ZDHHC3: variants seen among roughly 807,000 people sequenced by gnomAD.
The protein encoded by ZDHHC3 is palmitoyltransferase ZDHHC3.
Under a neutral mutation model 30.6 loss-of-function variants are expected in ZDHHC3, and 9 were observed. The ratio of observed to expected loss-of-function variants is 0.29; its 90% CI spans 0.18 to 0.51. The LOEUF (loss-of-function observed/expected upper bound fraction) is 0.51. Ranked by LOEUF, ZDHHC3 falls within the 20% of genes least tolerant of loss-of-function variation. The probability of loss-of-function intolerance (pLI) is 0.97; values close to 1 mark genes in which losing one functional copy is unlikely to be tolerated. For synonymous variants in ZDHHC3, 136 were observed against 140.2 expected, an observed-to-expected ratio of 0.97 and a Z score of 0.21; for missense variants, 246 against 384.2, an observed-to-expected ratio of 0.64 and a Z score of 3.01.
intron 6 of ZDHHC3, among the ~76,000 whole-genome samples, chr3:44,927,471 G>A (rs973160391): frequency 6.6e-6 from 1 of 152,224 alleles, no homozygotes; most frequent in Non-Finnish European, 1.5e-5. Flanking sequence ...GAATAGGAGT[G>A]ACAGACCACG....
chr3:44,938,826 C>T (rs1702196857), intron 3 of ZDHHC3, among the ~76,000 whole-genome samples: 1 of 152,314 alleles, frequency 6.6e-6, no homozygotes, highest in South Asian at 2.1e-4. Context: ...TACCCGGAAA[C>T]AGTCCTCCAC....
Position 44,959,104 on chromosome 3 carries a change from G to A in ZDHHC3, c.306+27C>T. Reference sequence around the variant, plus strand: ...GAGCCAGAGGAGGAGAGTGTGGGCTGGTCAAAACAAGCCCAGACATACTCA... The same window carrying A: ...GAGCCAGAGGAGGAGAGTGTGGGCTAGTCAAAACAAGCCCAGACATACTCA... On this transcript the variant is annotated intron_variant, in intron 2 of 6. Coordinates refer to ENST00000424952, the MANE Select transcript of ZDHHC3 (RefSeq NM_001135179.2). The surrounding 1 kb of genome is among the most constrained non-coding windows in gnomAD (Gnocchi z 4.3). 6.2e-7 allele frequency: 1 copy of A among 1,612,004 alleles called. No homozygotes were observed. Among genetic ancestry groups the A allele is most frequent in the South Asian group, 1.1e-5 (1 of 90,806 alleles).
intron 1 of ZDHHC3, among the ~76,000 whole-genome samples, chr3:44,964,347 CA>C (rs536388972): frequency 2.6e-5 from 4 of 152,180 alleles, no homozygotes; most frequent in Admixed American, 2.6e-4. Flanking sequence ...ATACTGCTTA[CA>C]AAAAGGCAAG....
chr3:44,925,532 T>C lies in ZDHHC3; in HGVS notation c.*1157A>G. ...AAGTGCCTCTCAAATGGAAAATCTATTCTGTCCCAGTGCCACAGGCTTAGG... is the reference window on the plus strand; with the variant it reads ...AAGTGCCTCTCAAATGGAAAATCTACTCTGTCCCAGTGCCACAGGCTTAGG... On this transcript the variant is annotated 3_prime_UTR_variant, in exon 7 of 7. Transcript: ENST00000424952. 2.0e-6 allele frequency: 2 copies of C among 985,478 alleles called. No homozygotes were observed. The highest frequency in any genetic ancestry group is 3.5e-5 in the African/African-American group (2 of 57,368). The allele number at this position is 985,478 out of a possible 1,614,324, so 61.0% of individuals were successfully genotyped here. A position where few individuals can be genotyped will look rare whatever the true frequency, so the allele number is the denominator to read the frequency against.
intron 3 of ZDHHC3, among the ~76,000 whole-genome samples, chr3:44,936,726 G>A (rs1451825134): frequency 1.3e-5 from 2 of 152,158 alleles, no homozygotes; most frequent in Non-Finnish European, 2.9e-5. Flanking sequence ...AAGGTGGAGG[G>A]TAGGAGGGAG....
chr3:44,921,656 C>A lies in ZDHHC3; in HGVS notation c.*5033G>T, dbSNP rs796534600. ...AGACGCTATACATTCCTATTCATCA[C>A]CCTCATTTAATCCTTCCATTAACTT... On this transcript the variant is annotated 3_prime_UTR_variant, in exon 7 of 7. Transcript: ENST00000424952. The A allele has an allele frequency of 1.3e-4, 131 of 974,132 alleles. No individual in the cohort carries two copies. In the African/African-American group the frequency reaches 1.4e-3, roughly 11 times the overall value. The allele number at this position is 974,132 out of a possible 1,614,324, so 60.3% of individuals were successfully genotyped here. A position where few individuals can be genotyped will look rare whatever the true frequency, so the allele number is the denominator to read the frequency against.
At chr3:44,940,644 G>A (rs1702362459) in intron 3 of ZDHHC3, among the ~76,000 whole-genome samples, 2 of 152,150 alleles carry the variant, frequency 1.3e-5, no homozygotes, top group African/African-American at 2.4e-5. Context: ...CCCCTTCTAT[G>A]TTTCTTTGTC....
At chr3:44,951,207 T>G (rs1400518321) in intron 2 of ZDHHC3, among the ~76,000 whole-genome samples, 1 of 152,236 alleles carries the variant, frequency 6.6e-6, no homozygotes, top group African/African-American at 2.4e-5. Context: ...AATATACATT[T>G]GGCCCCACAG....
chr3:44,937,894 T>A, intron 3 of ZDHHC3: 1 of 486,494 alleles, frequency 2.1e-6, no homozygotes, highest in Non-Finnish European at 4.1e-6. Flanking sequence ...CAGATTGACA[T>A]GGTACCTTCT....
At chr3:44,972,401 T>C (rs1002581268) in intron 1 of ZDHHC3, among the ~76,000 whole-genome samples, 1 of 152,238 alleles carries the variant, frequency 6.6e-6, no homozygotes, top group African/African-American at 2.4e-5. Flanking sequence ...AGGCGGAGGT[T>C]GCGGTGAGCA....
intron 1 of ZDHHC3, among the ~76,000 whole-genome samples, chr3:44,972,417 T>C (rs1346941083): frequency 6.6e-6 from 1 of 152,200 alleles, no homozygotes; most frequent in Non-Finnish European, 1.5e-5. Context: ...GAGCAGAGAT[T>C]GTGCCACCGC....
In ZDHHC3 at chr3:44,919,939, C is replaced by T; in HGVS notation, c.*6750G>A. The T allele has an allele frequency of 9.6e-7, 1 of 1,036,972 alleles. No individual in the cohort carries two copies. Among genetic ancestry groups the T allele is most frequent in the Non-Finnish European group, 1.2e-6 (1 of 857,644 alleles). 64.2% of individuals were successfully genotyped at this position (1,036,972 alleles called of 1,614,324 possible). ...TGCAAAGCTGGAAATGAGAAATGCC[C>T]AATAATGATGGTTAAGCAAATGATT... On this transcript the variant is annotated 3_prime_UTR_variant, in exon 7 of 7. Transcript: ENST00000424952.
intron 3 of ZDHHC3, among the ~76,000 whole-genome samples, chr3:44,940,339 C>T (rs554216005): frequency 6.6e-6 from 1 of 152,320 alleles, no homozygotes; most frequent in South Asian, 2.1e-4. Flanking sequence ...CTAAGAGCCT[C>T]TTCCACACAC....
At chr3:44,928,305 C>T (rs1301244190) in intron 6 of ZDHHC3, among the ~76,000 whole-genome samples, 1 of 152,202 alleles carries the variant, frequency 6.6e-6, no homozygotes, top group African/African-American at 2.4e-5. Context: ...GTGGGCAGCA[C>T]TGTCCCTTCT....
At chr3:44,927,365 A>G (rs928926702) in intron 6 of ZDHHC3, among the ~76,000 whole-genome samples, 1 of 152,216 alleles carries the variant, frequency 6.6e-6, no homozygotes, top group African/African-American at 2.4e-5. Flanking sequence ...AAAGTAACAA[A>G]TCAAATGACT....
At chr3:44,929,498 C>A in intron 5 of ZDHHC3, 62 bp from the exon 6 acceptor site, 1 of 1,595,634 alleles carries the variant, frequency 6.3e-7, no homozygotes, top group Non-Finnish European at 8.6e-7. Context: ...CCCAGGCTCA[C>A]TGCCCCACTA....
In ZDHHC3 at chr3:44,923,308, C is replaced by A. The variant is rs1442857908; in HGVS notation, c.*3381G>T. The A allele has an allele frequency of 1.0e-6, 1 of 968,382 alleles. No homozygotes were observed. The highest frequency in any genetic ancestry group is 1.8e-5 in the African/African-American group (1 of 56,868). 60.0% of individuals were successfully genotyped at this position (968,382 alleles called of 1,614,324 possible). A position where few individuals can be genotyped will look rare whatever the true frequency, so the allele number is the denominator to read the frequency against. ...AGCCAGGATGATCTCGATCTCTTGA[C>A]CTCGTGATCTGCCCGCCTCGGCCTC... On this transcript the variant is annotated 3_prime_UTR_variant, in exon 7 of 7. Coordinates refer to ENST00000424952, the MANE Select transcript of ZDHHC3 (RefSeq NM_001135179.2).
In ZDHHC3 at chr3:44,924,899, G is replaced by C; in HGVS notation, c.*1790C>G. The C allele has an allele frequency of 1.0e-6, 1 of 985,504 alleles. No homozygotes were observed. Among genetic ancestry groups the C allele is most frequent in the African/African-American group, 1.7e-5 (1 of 57,344 alleles). 61.0% of individuals were successfully genotyped at this position (985,504 alleles called of 1,614,324 possible). On this transcript the variant is annotated 3_prime_UTR_variant, in exon 7 of 7. Coordinates refer to ENST00000424952, the MANE Select transcript of ZDHHC3 (RefSeq NM_001135179.2). The stretch of plus-strand genomic sequence containing the variant: ...CGCATGAATAGCACCGTAGACACGA[G>C]GTAAAGTTAACTGACTCAGGAAAGC...
chr3:44,975,772 T>TCACA lies in ZDHHC3; in HGVS notation c.-25+157_-25+160dup, dbSNP rs1185484134. 4.3e-3 allele frequency among the ~76,000 whole-genome samples: 503 copies of TCACA among 116,744 alleles called. 1 individual carries two copies. The highest frequency in any genetic ancestry group is 5.8e-3 in the Non-Finnish European group (324 of 55,416). 76.6% of individuals were successfully genotyped at this position (116,744 alleles called of 152,430 possible). On this transcript the variant is annotated intron_variant, in intron 1 of 6. Transcript: ENST00000424952. The stretch of plus-strand genomic sequence containing the variant: ...GTCTCTCTCTCTCTCTCTCTCTCTC[T>TCACA]CACACACACACACACACACACACAC...
Sources: gnomAD v4.1 joint callset for allele counts (sites outside exome capture counted in the v4.1 genomes callset) on GRCh38, gnomAD v4.1.1 for gene constraint, Gnocchi (gnomAD v3.1) non-coding constraint, MANE v1.5 for transcripts, NCBI Gene and HGNC (gene_info 2026-07-23, HGNC 2026-07-21) for gene names.